Variants in TTC34 observed in about 807,000 individuals in gnomAD.
The protein encoded by TTC34 is tetratricopeptide repeat protein 34.
Under a neutral mutation model 40.7 loss-of-function variants are expected in TTC34, and 44 were observed. The ratio of observed to expected loss-of-function variants is 1.08; its 90% CI spans 0.85 to 1.39. The LOEUF (loss-of-function observed/expected upper bound fraction) is 1.39, where lower values mean the gene tolerates loss of function less well. TTC34 is among the 40% of genes most tolerant of loss of function. The pLI is 0.00. For missense variants in TTC34, 884 were observed against 838.0 expected (o/e 1.05, Z -0.68); for synonymous variants, 422 against 398.6 (o/e 1.06, Z -0.70).
intron 6 of TTC34, among the ~76,000 whole-genome samples, chr1:2,756,981 C>A (rs1641527559): frequency 5.9e-4 from 88 of 150,384 alleles, no homozygotes; most frequent in Middle Eastern, 3.4e-3. Context: ...GGAACAGCAC[C>A]CACACGCCCA....
At chr1:2,772,970 A>G (rs1569841107) in intron 6 of TTC34, among the ~76,000 whole-genome samples, 1 of 107,280 alleles carries the variant, frequency 9.3e-6, no homozygotes. Flanking sequence ...CTGGAGCAGC[A>G]TGCACACCCC....
At chr1:2,681,184 C>A (rs1462983001) in intron 6 of TTC34, among the ~76,000 whole-genome samples, 4 of 123,708 alleles carry the variant, frequency 3.2e-5, no homozygotes, top group African/African-American at 6.8e-5. Flanking sequence ...GCACCCACGC[C>A]CACAGGCGAG....
intron 6 of TTC34, among the ~76,000 whole-genome samples, chr1:2,685,020 A>G (rs1328640899): frequency 1.6e-5 from 2 of 123,332 alleles, no homozygotes; most frequent in East Asian, 2.6e-4. Flanking sequence ...ATCTGACAGC[A>G]TGTAACAGCA....
At chr1:2,752,486 C>T (rs1641355080) in intron 6 of TTC34, among the ~76,000 whole-genome samples, 1 of 147,170 alleles carries the variant, frequency 6.8e-6, no homozygotes, top group African/African-American at 2.5e-5. Flanking sequence ...GGAACAGCAC[C>T]CACACAGCCA....
chr1:2,791,907 G>A (rs116397823), intron 2 of TTC34, among the ~76,000 whole-genome samples: 4,208 of 150,212 alleles, frequency 0.028, 191 homozygotes, highest in African/African-American at 0.098. Flanking sequence ...TCTTCGTATC[G>A]AGTAATTTCT....
At chr1:2,692,875 A>C (rs1640690770) in intron 6 of TTC34, among the ~76,000 whole-genome samples, 2 of 126,624 alleles carry the variant, frequency 1.6e-5, no homozygotes, top group African/African-American at 7.1e-5. Flanking sequence ...ACCACAGGTG[A>C]GCATCGGAGA....
At chr1:2,686,596 A>T (rs374403789) in intron 6 of TTC34, among the ~76,000 whole-genome samples, 1 of 30,634 alleles carries the variant, frequency 3.3e-5, no homozygotes, top group Non-Finnish European at 6.4e-5. Context: ...GGAACAGCAC[A>T]CACACCCCCA....
At chr1:2,783,526 C>T in intron 6 of TTC34, 83 bp downstream of exon 6, 1 of 1,281,142 alleles carries the variant, frequency 7.8e-7, no homozygotes, top group South Asian at 2.6e-5. Context: ...ACCCGGCTCC[C>T]TCTCTCCTTG....
intron 6 of TTC34, among the ~76,000 whole-genome samples, chr1:2,752,737 C>A (rs1231806913): frequency 1.7e-5 from 2 of 118,218 alleles, no homozygotes; most frequent in Non-Finnish European, 3.5e-5. Flanking sequence ...CCTGCACCCC[C>A]AGGACAGCAT....
intron 6 of TTC34, among the ~76,000 whole-genome samples, chr1:2,647,025 G>A (rs532039942): frequency 6.6e-6 from 1 of 152,286 alleles, no homozygotes; most frequent in South Asian, 2.1e-4. Flanking sequence ...CAAATCTGCT[G>A]TCATTCGTGT....
intron 6 of TTC34, among the ~76,000 whole-genome samples, chr1:2,750,159 AAC>A (rs1641268131): frequency 1.2e-5 from 1 of 81,414 alleles, no homozygotes; most frequent in African/African-American, 4.8e-5. Context: ...GAGCAGAACA[AAC>A]ACCCCCAGGC....
At chr1:2,657,643 A>C (rs1419033307) in intron 6 of TTC34, among the ~76,000 whole-genome samples, 35 of 71,408 alleles carry the variant, frequency 4.9e-4, no homozygotes, top group South Asian at 8.0e-4. Flanking sequence ...ATCTGACCGC[A>C]TGGAGCAGCA....
At chr1:2,747,715 C>CA (rs1569680913) in intron 6 of TTC34, among the ~76,000 whole-genome samples, 1 of 16,996 alleles carries the variant, frequency 5.9e-5, no homozygotes, top group Non-Finnish European at 1.0e-4. Flanking sequence ...CAGCACCCCG[C>CA]ACCCCCAGGC....
chr1:2,751,008 G>A (rs1489709702), intron 6 of TTC34, among the ~76,000 whole-genome samples: 5 of 21,404 alleles, frequency 2.3e-4, no homozygotes, highest in South Asian at 4.0e-3. Context: ...CACCCACACC[G>A]ACAGGTGAGC....
rs116715403 is a variant in TTC34 at position 2,781,833 on chromosome 1, T to C, written c.2226+1776A>G. 2.3e-3 allele frequency among the ~76,000 whole-genome samples: 345 copies of C among 152,372 alleles called. 1 individual carries two copies. Among genetic ancestry groups the C allele is most frequent in the African/African-American group, 7.9e-3 (330 of 41,590 alleles). ...CATCACATAAATTGACATTTGTATGTTGAACCATCCTTGCATTCTAGCAAT... is the reference window on the plus strand; with the variant it reads ...CATCACATAAATTGACATTTGTATGCTGAACCATCCTTGCATTCTAGCAAT... On this transcript the variant is annotated intron_variant, in intron 6 of 8. Coordinates refer to ENST00000401095, the Ensembl canonical transcript of TTC34.
chr1:2,677,205 C>T (rs111669278), intron 6 of TTC34, among the ~76,000 whole-genome samples: 2 of 42,716 alleles, frequency 4.7e-5, no homozygotes, highest in South Asian at 1.9e-3. Flanking sequence ...GAGCAGCACC[C>T]ATAGCCCATG....
intron 6 of TTC34, among the ~76,000 whole-genome samples, chr1:2,699,739 T>G (rs1227395659): frequency 0.073 from 813 of 11,152 alleles, 15 homozygotes; most frequent in South Asian, 0.1. Flanking sequence ...CACACCCCCA[T>G]TTGAGCATCC....
chr1:2,772,662 G>A (rs1185713889), intron 6 of TTC34, among the ~76,000 whole-genome samples: 2 of 8,072 alleles, frequency 2.5e-4, no homozygotes, highest in African/African-American at 6.2e-4. Context: ...CCCCAGGTGA[G>A]CATCTGACAG....
At chr1:2,683,712 A>G (rs1290760139) in intron 6 of TTC34, among the ~76,000 whole-genome samples, 1 of 132,078 alleles carries the variant, frequency 7.6e-6, no homozygotes, top group African/African-American at 3.3e-5. Flanking sequence ...CAGCACCCAC[A>G]CCCCCAGGTG....
Sources: gnomAD v4.1 joint callset for allele counts (sites outside exome capture counted in the v4.1 genomes callset) on GRCh38, gnomAD v4.1.1 for gene constraint, MANE v1.5 for transcripts, NCBI Gene and HGNC (gene_info 2026-07-23, HGNC 2026-07-21) for gene names.